ANKRD28: variants seen among roughly 807,000 people sequenced by gnomAD.
ANKRD28 encodes the protein ankyrin repeat domain 28.
Under a neutral mutation model 126.5 loss-of-function variants are expected in ANKRD28, and 44 were observed. The observed-to-expected ratio is 0.35, with a 90% CI of 0.27 to 0.45. The LOEUF is 0.45. ANKRD28 is among the 20% of genes least tolerant of loss of function. The pLI is 1.00. For synonymous variants in ANKRD28, 442 were observed against 468.5 expected, an observed-to-expected ratio of 0.94 and a Z score of 0.73; for missense variants, 1,110 against 1,316.6, an observed-to-expected ratio of 0.84 and a Z score of 2.43.
At chr3:15,813,788 T>C (rs2060776322) in intron 1 of ANKRD28, among the ~76,000 whole-genome samples, 1 of 152,202 alleles carries the variant, frequency 6.6e-6, no homozygotes. Flanking sequence ...TCCCCAGTGA[T>C]TACTGAATGA....
At chr3:15,781,528 G>A (rs1345149539) in intron 2 of ANKRD28, 1 of 151,978 alleles carries the variant, frequency 6.6e-6, no homozygotes, top group Non-Finnish European at 1.5e-5. Context: ...TTATGATTTG[G>A]CAATTAAAAC....
At chr3:15,788,756 T>C (rs918672822) in intron 2 of ANKRD28, among the ~76,000 whole-genome samples, 3 of 152,246 alleles carry the variant, frequency 2.0e-5, no homozygotes, top group Admixed American at 2.0e-4. Flanking sequence ...GCATTTATTA[T>C]TTTGGTCACG....
Position 15,788,515 on chromosome 3 carries a change from A to C in ANKRD28, c.201+6708T>G, listed in dbSNP as rs2059883796. Among the ~76,000 whole-genome samples the C allele has an allele frequency of 3.3e-5, 5 of 152,166 alleles. No homozygotes were observed. In the South Asian group the frequency reaches 1.0e-3, roughly 31 times the overall value. On this transcript the variant is annotated intron_variant, in intron 2 of 27. Transcript: ENST00000683139. ...GTCAATTTTATAAAACTGTTGTACA[A>C]GTTAAATTGAGTAATACAAAATGGC... is the stretch of plus-strand genomic sequence containing the variant.
intron 18 of ANKRD28, 94 bp downstream of exon 18, chr3:15,689,925 T>C: frequency 8.1e-7 from 1 of 1,230,364 alleles, no homozygotes; most frequent in South Asian, 1.7e-5. Flanking sequence ...GGTCAAAATT[T>C]TAAAGACAAT....
chr3:15,736,307 A>C (rs975399457), intron 5 of ANKRD28, among the ~76,000 whole-genome samples: 25 of 152,328 alleles, frequency 1.6e-4, no homozygotes, highest in African/African-American at 6.0e-4. Flanking sequence ...AAAAAAACAC[A>C]GTATCTATAG....
At chr3:15,788,279 G>A (rs894599119) in intron 2 of ANKRD28, among the ~76,000 whole-genome samples, 15 of 152,092 alleles carry the variant, frequency 9.9e-5, no homozygotes, top group African/African-American at 3.6e-4. Context: ...AGTTCATAGG[G>A]CACAGACATA....
chr3:15,718,081 G>A (rs1033260779), intron 8 of ANKRD28, among the ~76,000 whole-genome samples: 4 of 152,066 alleles, frequency 2.6e-5, no homozygotes, highest in African/African-American at 2.4e-5. Flanking sequence ...TAATAACACC[G>A]ATTTTACAAA....
At chr3:15,731,972 C>T (rs1470048866) in intron 6 of ANKRD28, 1 of 147,972 alleles carries the variant, frequency 6.8e-6, no homozygotes, top group African/African-American at 2.5e-5. Flanking sequence ...AGCTGCAATG[C>T]AATATGGATT....
intron 1 of ANKRD28, among the ~76,000 whole-genome samples, chr3:15,835,397 A>G (rs2061300015): frequency 6.6e-6 from 1 of 152,236 alleles, no homozygotes. Context: ...ATTTGGATAT[A>G]AATAGCTTTT....
chr3:15,678,507 T>G (rs2067197263), intron 23 of ANKRD28, among the ~76,000 whole-genome samples, 153 bp from the exon 24 acceptor site: 1 of 152,234 alleles, frequency 6.6e-6, no homozygotes, highest in East Asian at 1.9e-4. Context: ...TCAATGGAGC[T>G]TACTAATTTC....
chr3:15,754,423 T>C (rs931763180), intron 3 of ANKRD28, among the ~76,000 whole-genome samples: 28 of 152,138 alleles, frequency 1.8e-4, no homozygotes, highest in African/African-American at 6.8e-4. Flanking sequence ...GTAGTGATGC[T>C]GGAAATTTGA....
At chr3:15,743,730 T>G (rs898721965) in intron 4 of ANKRD28, among the ~76,000 whole-genome samples, 3 of 152,180 alleles carry the variant, frequency 2.0e-5, no homozygotes, top group African/African-American at 7.2e-5. Context: ...AGAGACAGAT[T>G]GAGATAGCCA....
chr3:15,729,543 G>A (rs1435943172), intron 6 of ANKRD28, among the ~76,000 whole-genome samples: 2 of 152,154 alleles, frequency 1.3e-5, no homozygotes, highest in African/African-American at 4.8e-5. Context: ...TTCTTGATAT[G>A]TTCCACAAGG....
rs1006346693 is a variant in ANKRD28 at position 15,784,512 on chromosome 3, G to A, written c.201+10711C>T. Among the ~76,000 whole-genome samples the A allele has an allele frequency of 2.7e-5, 4 of 150,562 alleles. No homozygotes were observed. In the South Asian group the frequency reaches 8.4e-4, roughly 32 times the overall value. On this transcript the variant is annotated intron_variant, in intron 2 of 27. Transcript: ENST00000683139. The stretch of plus-strand genomic sequence containing the variant: ...GTAAGACATTTACTTAAAAAAAAAA[G>A]AGGTATAACTGATATCCTAAGAAAG...
At chr3:15,725,693 T>C (rs770654319) in intron 6 of ANKRD28, among the ~76,000 whole-genome samples, 1 of 152,196 alleles carries the variant, frequency 6.6e-6, no homozygotes, top group Non-Finnish European at 1.5e-5. Context: ...CTGTGATCAC[T>C]GATCTTTGAC....
At chr3:15,758,111 TATAA>T (rs565862833) in intron 3 of ANKRD28, among the ~76,000 whole-genome samples, 1 of 152,210 alleles carries the variant, frequency 6.6e-6, no homozygotes, top group Non-Finnish European at 1.5e-5. Flanking sequence ...TTGTAATAAT[TATAA>T]ATAGTCTCAC....
At chr3:15,798,907 A>C (rs1193272660), upstream of ANKRD28, among the ~76,000 whole-genome samples, 2 of 151,956 alleles carry the variant, frequency 1.3e-5, no homozygotes, top group African/African-American at 2.4e-5. Context: ...AATAATAAAC[A>C]TAATAGTTAC....
exon 1 of ANKRD28, chr3:15,859,565 C>T: frequency 2.6e-6 from 1 of 384,778 alleles, no homozygotes; most frequent in Non-Finnish European, 3.8e-6. Flanking sequence ...GGGGGCGGCG[C>T]CGCCTCCCCG....
At chr3:15,850,204 A>AAAATATATATATAT (rs1486394619) in intron 1 of ANKRD28, among the ~76,000 whole-genome samples, 11 of 54,830 alleles carry the variant, frequency 2.0e-4, no homozygotes, top group African/African-American at 3.0e-4. Flanking sequence ...AAAAAAAAAA[A>AAAATATATATATAT]ATATATATAT....
Sources: allele counts gnomAD v4.1 joint callset (sites outside exome capture counted in the v4.1 genomes callset), GRCh38; gene constraint gnomAD v4.1.1; transcripts MANE v1.5; gene names NCBI Gene and HGNC (gene_info 2026-07-23, HGNC 2026-07-21).